The following TACC2 variants were observed in gnomAD, a reference collection of about 807,000 sequenced individuals.
The protein encoded by TACC2 is transforming acidic coiled-coil-containing protein 2.
Under a neutral mutation model 227.3 loss-of-function variants are expected in TACC2, and 137 were observed. The ratio of observed to expected loss-of-function variants is 0.60; its 90% confidence interval spans 0.52 to 0.69. The LOEUF (loss-of-function observed/expected upper bound fraction) is 0.69. Ranked by LOEUF, TACC2 falls within the 30% of genes least tolerant of loss-of-function variation. TACC2 has a pLI of 0.00. For synonymous variants in TACC2, 1,523 were observed against 1,487.5 expected (o/e 1.02, Z -0.55); for missense variants, 3,470 against 3,694.4 (o/e 0.94, Z 1.57).
intron 5 of TACC2, among the ~76,000 whole-genome samples, chr10:122,105,346 G>T (rs1349769484): frequency 6.6e-6 from 1 of 152,174 alleles, no homozygotes; most frequent in East Asian, 1.9e-4. Flanking sequence ...TCCCAGGATT[G>T]ATAAGGGATG....
In TACC2 at chr10:122,083,064, C is replaced by A. The variant is rs1056487135; in HGVS notation, c.564C>A (p.Phe188Leu). 1.9e-6 allele frequency: 3 copies of A among 1,612,682 alleles called. No homozygotes were observed. The African/African-American group carries it at 4.0e-5, about 22-fold the overall frequency. The change falls in exon 4 of 23, where the codon TTC becomes TTA. Residue 188 changes from phenylalanine to leucine, a missense_variant. Around this residue, in one of 10 missense-constraint regions of TACC2, gnomAD observed 405 missense variants for 389.6 expected, o/e 1.04. Coordinates refer to ENST00000369005, the MANE Select transcript of TACC2 (RefSeq NM_206862.4). ...QPKEEGQKSS[F>L]SFSSGIDQSP... is the part of the protein sequence containing the mutation. ...AGGAAGAAGGACAGAAGTCCTCCTT[C>A]TCCTTCTCCAGTGGCATCGACCAGT...
At chr10:122,106,475 G>A (rs953060474) in intron 5 of TACC2, among the ~76,000 whole-genome samples, 4 of 152,154 alleles carry the variant, frequency 2.6e-5, no homozygotes, top group Non-Finnish European at 5.9e-5. Context: ...TTTCTATGTG[G>A]CTTTCCACTT....
Position 122,021,971 on chromosome 10 carries a change from A to C in TACC2, c.-11A>C. The C allele has an allele frequency of 2.3e-5, 37 of 1,614,102 alleles. No individual in the cohort carries two copies. The highest frequency in any genetic ancestry group is 3.1e-5 in the Non-Finnish European group (37 of 1,179,994). ...ACAAAATTCTGGGGACGCTGGGAAC[A>C]CTGAATCAACATGGGCAATGAGAAC... is the stretch of plus-strand genomic sequence containing the variant. On this transcript the variant is annotated 5_prime_UTR_variant, in exon 2 of 23. Transcript: ENST00000369005.
intron 18 of TACC2, among the ~76,000 whole-genome samples, chr10:122,241,202 G>A (rs1276591427): frequency 6.6e-6 from 1 of 152,206 alleles, no homozygotes; most frequent in East Asian, 1.9e-4. Context: ...TGTTCATGAC[G>A]TGGTGTGGAA....
chr10:122,010,230 C>T (rs886797237), intron 1 of TACC2, among the ~76,000 whole-genome samples: 8 of 152,196 alleles, frequency 5.3e-5, no homozygotes, highest in African/African-American at 1.7e-4. Context: ...TCTCCCTTGC[C>T]TTAACCCACA....
chr10:122,250,275 T>C (rs1289308871), intron 22 of TACC2, among the ~76,000 whole-genome samples: 1 of 152,224 alleles, frequency 6.6e-6, no homozygotes, highest in East Asian at 1.9e-4. Context: ...TGCGTGTGTG[T>C]GAGTGAGGGC....
intron 2 of TACC2, among the ~76,000 whole-genome samples, chr10:122,045,516 T>A (rs2074869368): frequency 6.6e-6 from 1 of 152,176 alleles, no homozygotes; most frequent in South Asian, 2.1e-4. Context: ...TGTAAAGCAC[T>A]TAAAAGAGCA....
chr10:122,053,478 C>A (rs1270149376), intron 3 of TACC2, among the ~76,000 whole-genome samples: 2 of 152,170 alleles, frequency 1.3e-5, no homozygotes, highest in African/African-American at 4.8e-5. Flanking sequence ...CTTGGGACTT[C>A]TCTCTCCAGA....
chr10:122,177,735 T>C (rs574283982), intron 7 of TACC2, among the ~76,000 whole-genome samples: 4 of 152,140 alleles, frequency 2.6e-5, no homozygotes, highest in South Asian at 4.2e-4. Flanking sequence ...GCAGAAAGAA[T>C]TGGGAGTGTG....
At chr10:122,069,244 ATTTT>A (rs141058517) in intron 3 of TACC2, among the ~76,000 whole-genome samples, 5 of 149,070 alleles carry the variant, frequency 3.4e-5, no homozygotes, top group Admixed American at 2.0e-4. Flanking sequence ...TATTTTATTT[ATTTT>A]TTTTTTTTTT....
chr10:122,164,447 CGT>C (rs898781952), intron 7 of TACC2, among the ~76,000 whole-genome samples: 3 of 152,324 alleles, frequency 2.0e-5, no homozygotes, highest in African/African-American at 7.2e-5. Flanking sequence ...GTGGACGTTC[CGT>C]CTAGTTAGCC....
chr10:122,183,580 G>A (rs1250895027), intron 7 of TACC2, among the ~76,000 whole-genome samples: 1 of 152,176 alleles, frequency 6.6e-6, no homozygotes, highest in Non-Finnish European at 1.5e-5. Flanking sequence ...AGGGCCAAAA[G>A]AATAGGGTGG....
chr10:122,100,144 G>A (rs2081970859), intron 5 of TACC2, among the ~76,000 whole-genome samples: 1 of 151,986 alleles, frequency 6.6e-6, no homozygotes, highest in South Asian at 2.1e-4. Context: ...TGCGCCTGTA[G>A]TCCCTGCTGC....
In TACC2 at chr10:122,209,487, G is replaced by A. The variant is rs533385262; in HGVS notation, c.5972-910G>A. On this transcript the variant is annotated intron_variant, in intron 8 of 22. Transcript: ENST00000369005. The surrounding 1 kb of genome is among the most constrained non-coding windows in gnomAD (Gnocchi z 4.5). ...ACGCACCAGGTGCTCCTGCCGCAGA[G>A]CCTTTACTCGCACTATTCCTTCTAC... Among the ~76,000 whole-genome samples, 1 of 152,308 alleles carries A rather than the reference G, an allele frequency of 6.6e-6. No individual in the cohort carries two copies. Among genetic ancestry groups the A allele is most frequent in the African/African-American group, 2.4e-5 (1 of 41,570 alleles).
intron 2 of TACC2, among the ~76,000 whole-genome samples, chr10:122,033,880 G>A (rs1034161049): frequency 6.6e-5 from 10 of 152,088 alleles, no homozygotes; most frequent in African/African-American, 1.7e-4. Flanking sequence ...GGCCAAGTGC[G>A]GGGGCTCATG....
chr10:122,173,349 C>T (rs191760705), intron 7 of TACC2, among the ~76,000 whole-genome samples: 6 of 152,318 alleles, frequency 3.9e-5, no homozygotes, highest in East Asian at 1.9e-4. Context: ...GTGCCCCAGC[C>T]TCAGTGACCC....
At chr10:122,170,195 T>C (rs1272591191) in intron 7 of TACC2, among the ~76,000 whole-genome samples, 1 of 150,410 alleles carries the variant, frequency 6.6e-6, no homozygotes. Context: ...CCCACCCCCA[T>C]CTTCCTCATC....
rs150596537 is a variant in TACC2 at position 122,226,033 on chromosome 10, G to A, written c.7609-333G>A. 5.2e-3 allele frequency among the ~76,000 whole-genome samples: 796 copies of A among 152,304 alleles called. 7 individuals carry two copies. The highest frequency in any genetic ancestry group is 0.027 in the Middle Eastern group (8 of 294). ...TGCCCTACCTCTCTGTTTATCTGCA[G>A]TGGCCAGCACAGCTCCTGGCCCAGA... On this transcript the variant is annotated intron_variant, in intron 12 of 22. Transcript: ENST00000369005.
chr10:122,143,518 G>A (rs923070510), intron 6 of TACC2, 54 bp from the exon 7 acceptor site: 3 of 1,582,914 alleles, frequency 1.9e-6, no homozygotes, highest in Non-Finnish European at 2.6e-6. Context: ...CCTGATGAAT[G>A]TGCCATTAAT....
Sources: gnomAD v4.1 joint callset for allele counts (sites outside exome capture counted in the v4.1 genomes callset) on GRCh38, gnomAD v4.1.1 for gene constraint, gnomAD v4.1.1 regional missense constraint, Gnocchi (gnomAD v3.1) non-coding constraint, MANE v1.5 for transcripts, NCBI Gene and HGNC (gene_info 2026-07-23, HGNC 2026-07-21) for gene names.